The following RNF114 variants were observed in gnomAD, a reference collection of about 807,000 sequenced individuals.
RNF114 encodes the protein E3 ubiquitin-protein ligase RNF114.
In RNF114, 6 loss-of-function variants were observed where a neutral mutation model predicts 28.4. That is an observed-to-expected ratio of 0.21 (90% CI 0.12 to 0.42). The LOEUF (loss-of-function observed/expected upper bound fraction) is 0.42. Ranked by LOEUF, RNF114 falls within the 10% of genes least tolerant of loss-of-function variation. The pLI is 1.00. For missense variants in RNF114, 249 were observed against 311.7 expected, an observed-to-expected ratio of 0.80 and a Z score of 1.51; for synonymous variants, 115 against 116.7, an observed-to-expected ratio of 0.99 and a Z score of 0.09.
intron 1 of RNF114, 101 bp downstream of exon 1, chr20:49,936,653 C>T: frequency 1.4e-6 from 2 of 1,412,518 alleles, no homozygotes; most frequent in Non-Finnish European, 1.9e-6. Context: ...AGGACCCACC[C>T]AGAGGGGCCT....
chr20:49,951,994 C>CTAGGCTGTCCTGCTTCGGATCCAGTTGT, intron 5 of RNF114, 82 bp from the exon 6 acceptor site: 1 of 1,210,744 alleles, frequency 8.3e-7, no homozygotes, highest in Non-Finnish European at 1.2e-6. Context: ...GATCCAGTTG[C>CTAGGCTGTCCTGCTTCGGATCCAGTTGT]TAGGCTGTCC....
chr20:49,952,086 T>A lies in RNF114; in HGVS notation c.632T>A (p.Val211Asp), dbSNP rs1333891522. 4 of 1,613,706 alleles carry A rather than the reference T, an allele frequency of 2.5e-6. No homozygotes were observed. The highest frequency in any genetic ancestry group is 2.5e-6 in the Non-Finnish European group (3 of 1,179,686). ...TCTTTTTGCCCTTAGGATTATGATG[T>A]TGATGAAGAGGACATGATGAATCAG... ...FSYDTFVDYDVDEEDMMNQVL... is the reference protein window; with the variant it reads ...FSYDTFVDYDDDEEDMMNQVL... Residue 211 changes from valine (V) to aspartate (D), a missense_variant, in exon 6 of 6, where the codon GTT becomes GAT. Physicochemically the swap from Val to Asp is radical, Grantham distance 152. Around this residue, in one of 2 missense-constraint regions of RNF114, gnomAD observed 126 missense variants for 205.3 expected, o/e 0.61. Coordinates refer to ENST00000244061, the MANE Select transcript of RNF114 (RefSeq NM_018683.4).
intron 2 of RNF114, 125 bp downstream of exon 2, chr20:49,941,836 A>G (rs751182455): frequency 4.9e-5 from 46 of 934,112 alleles, no homozygotes; most frequent in East Asian, 8.0e-5. Context: ...GTGCATGCCA[A>G]TTACCTGTGG....
intron 2 of RNF114, among the ~76,000 whole-genome samples, chr20:49,943,090 C>A (rs1055140624): frequency 2.6e-5 from 4 of 151,918 alleles, no homozygotes; most frequent in African/African-American, 9.7e-5. Context: ...GTATGGATGC[C>A]CATAGTAAGA....
Position 49,952,569 on chromosome 20 carries a change from G to A in RNF114, c.*428G>A, listed in dbSNP as rs1264919924. 7.5e-6 allele frequency: 2 copies of A among 268,090 alleles called. No individual in the cohort carries two copies. Among genetic ancestry groups the A allele is most frequent in the Non-Finnish European group, 7.1e-6 (1 of 141,768 alleles). The allele number at this position is 268,090 out of a possible 1,614,324, so 16.6% of individuals were successfully genotyped here. ...AAGTGTCTCCTTTCCTTGTCCCCAA[G>A]GTGTGCAGACTTTGGCAGCCGTGCA... On this transcript the variant is annotated 3_prime_UTR_variant, in exon 6 of 6. Coordinates refer to ENST00000244061, the MANE Select transcript of RNF114 (RefSeq NM_018683.4).
chr20:49,949,132 C>A, intron 4 of RNF114, 116 bp from the exon 5 acceptor site: 1 of 779,360 alleles, frequency 1.3e-6, no homozygotes. Flanking sequence ...GAGTTACTGG[C>A]CCTGGACAGT....
At chr20:49,938,411 A>C (rs1427132854) in intron 1 of RNF114, among the ~76,000 whole-genome samples, 1 of 152,200 alleles carries the variant, frequency 6.6e-6, no homozygotes, top group East Asian at 1.9e-4. Context: ...GGGCAGCCCA[A>C]ATCCCCGCTA....
chr20:49,941,506 T>G, intron 1 of RNF114, 55 bp from the exon 2 acceptor site: 1 of 1,512,434 alleles, frequency 6.6e-7, no homozygotes, highest in Non-Finnish European at 8.9e-7. Flanking sequence ...TGATCCATAT[T>G]TGTCGTCTTG....
chr20:49,949,196 C>A, intron 4 of RNF114, 52 bp from the exon 5 acceptor site: 2 of 1,454,512 alleles, frequency 1.4e-6, no homozygotes, highest in Non-Finnish European at 1.9e-6. Context: ...CCACAGAGGG[C>A]TGGTGCAAGC....
intron 5 of RNF114, among the ~76,000 whole-genome samples, chr20:49,950,093 T>C (rs980919758): frequency 4.0e-5 from 6 of 151,804 alleles, no homozygotes; most frequent in Non-Finnish European, 8.8e-5. Flanking sequence ...TTACTAAAAA[T>C]ACAAAAAAAT....
intron 4 of RNF114, among the ~76,000 whole-genome samples, chr20:49,947,853 G>A (rs1034878295): frequency 1.6e-5 from 2 of 123,420 alleles, no homozygotes; most frequent in Non-Finnish European, 3.2e-5. Context: ...GTGCAGTGGC[G>A]CGATCTCGAC....
At chr20:49,950,144 T>C (rs558362773) in intron 5 of RNF114, among the ~76,000 whole-genome samples, 20 of 151,920 alleles carry the variant, frequency 1.3e-4, no homozygotes, top group Non-Finnish European at 2.8e-4. Flanking sequence ...CCTAGCTACT[T>C]GGGAGGCTGA....
chr20:49,945,415 A>G lies in RNF114; in HGVS notation c.325A>G (p.Thr109Ala), dbSNP rs143932352. The G allele has an allele frequency of 5.0e-6, 8 of 1,613,194 alleles. No homozygotes were observed. Among genetic ancestry groups the G allele is most frequent in the Non-Finnish European group, 5.9e-6 (7 of 1,179,198 alleles). ...FLSKIRSHVA[T>A]CSKYQNYIME... The stretch of plus-strand genomic sequence containing the variant: ...GTCCAAGATCCGGTCCCACGTGGCT[A>G]CTTGTTCCAAATACCAGAATTACAT... The change falls in exon 3 of 6, where the codon ACT becomes GCT. Residue 109 changes from threonine (T) to alanine (A), a missense_variant. Around this residue, in one of 2 missense-constraint regions of RNF114, gnomAD observed 126 missense variants for 205.3 expected, o/e 0.61. Coordinates refer to ENST00000244061, the MANE Select transcript of RNF114 (RefSeq NM_018683.4).
Position 49,936,426 on chromosome 20 carries a change from AGCGGGACT to A in RNF114, c.20_27del (p.Asp7GlyfsTer13), listed in dbSNP as rs2090285482. On this transcript the variant is annotated frameshift_variant, in exon 1 of 6. Transcript: ENST00000244061. LOFTEE classifies it high-confidence loss of function. ...AGCGGCAGCAAGATGGCGGCGCAAC[AGCGGGACT>A]GCGGGGGTGCTGCGCAGCTGGCGGG... 2.6e-6 allele frequency: 4 copies of A among 1,521,890 alleles called. No individual in the cohort carries two copies. The Admixed American group carries it at 8.5e-5, about 32-fold the overall frequency. The allele number at this position is 1,521,890 out of a possible 1,614,324, so 94.3% of individuals were successfully genotyped here.
rs923820789 is a variant in RNF114, at chr20:49,952,490, G to C, written c.*349G>C. ...TCCTCCCATCCAGTGTTTGTCTCTC[G>C]GGTCCTTCAAGCCAGCCAGGACCTT... is the stretch of plus-strand genomic sequence containing the variant. On this transcript the variant is annotated 3_prime_UTR_variant, in exon 6 of 6. Coordinates refer to ENST00000244061, the MANE Select transcript of RNF114 (RefSeq NM_018683.4). 1 of 469,484 alleles carries C rather than the reference G, an allele frequency of 2.1e-6. No individual in the cohort carries two copies. Among genetic ancestry groups the C allele is most frequent in the African/African-American group, 1.9e-5 (1 of 51,932 alleles). 29.1% of individuals were successfully genotyped at this position (469,484 alleles called of 1,614,324 possible).
rs866406478 is a variant in RNF114 at position 49,949,327 on chromosome 20, G to A, written c.593G>A (p.Arg198Gln). The A allele has an allele frequency of 1.2e-6, 2 of 1,613,984 alleles. No homozygotes were observed. Among genetic ancestry groups the A allele is most frequent in the Non-Finnish European group, 1.7e-6 (2 of 1,180,006 alleles). ...SANFREHIQR[R>Q]HRFSYDTFVD... ...AACTTCAGAGAGCACATCCAGCGCC[G>A]GCACCGGTTTTCTTATGACACTTTT... Residue 198 changes from arginine to glutamine, a missense_variant, in exon 5 of 6, where the codon CGG (arginine) becomes CAG (glutamine). By Grantham distance (43) the Arg-to-Gln change is conservative. Coordinates refer to ENST00000244061, the MANE Select transcript of RNF114 (RefSeq NM_018683.4).
intron 2 of RNF114, 23 bp from the exon 3 acceptor site, chr20:49,945,359 G>A: frequency 6.6e-7 from 1 of 1,517,224 alleles, no homozygotes; most frequent in Non-Finnish European, 9.2e-7. Context: ...CTAACTTATG[G>A]GCTCTGATTC....
chr20:49,945,546 G>GTTGGACAAC (rs11472764), intron 3 of RNF114, 58 bp downstream of exon 3: 50 of 1,001,106 alleles, frequency 5.0e-5, no homozygotes, highest in Non-Finnish European at 7.4e-5. Context: ...ATACAAAGAG[G>GTTGGACAAC]TTGCATGCCC....
In RNF114 at chr20:49,952,190, A is replaced by C; in HGVS notation, c.*49A>C. The stretch of plus-strand genomic sequence containing the variant: ...TCTCATGTTACAGAGCTTCCATTAC[A>C]TATTAAACGTGAAATCTATGACTCC... On this transcript the variant is annotated 3_prime_UTR_variant, in exon 6 of 6. Transcript: ENST00000244061. 1 of 1,508,230 alleles carries C rather than the reference A, an allele frequency of 6.6e-7. No individual in the cohort carries two copies. Among genetic ancestry groups the C allele is most frequent in the Non-Finnish European group, 9.2e-7 (1 of 1,083,378 alleles). 93.4% of individuals were successfully genotyped at this position (1,508,230 alleles called of 1,614,324 possible). A position where few individuals can be genotyped will look rare whatever the true frequency, so the allele number is the denominator to read the frequency against.
Sources: allele counts gnomAD v4.1 joint callset (sites outside exome capture counted in the v4.1 genomes callset), GRCh38; gene constraint gnomAD v4.1.1; regional missense constraint gnomAD v4.1.1; transcripts MANE v1.5; gene names NCBI Gene and HGNC (gene_info 2026-07-23, HGNC 2026-07-21).